The following TTC28 variants were observed in gnomAD, a reference collection of about 807,000 sequenced individuals.
TTC28 encodes tetratricopeptide repeat domain 28.
In TTC28, 61 loss-of-function variants were observed where a neutral mutation model predicts 198.0. That is an observed-to-expected ratio of 0.31 (90% CI 0.25 to 0.38). The LOEUF is 0.38. TTC28 is among the 10% of genes least tolerant of loss of function. The pLI is 1.00. For missense variants in TTC28, 2,678 were observed against 3,164.0 expected (o/e 0.85, Z 3.69); for synonymous variants, 1,171 against 1,297.8 (o/e 0.90, Z 2.10).
At chr22:28,678,317 C>T (rs763645614) in intron 1 of TTC28, among the ~76,000 whole-genome samples, 6 of 152,182 alleles carry the variant, frequency 3.9e-5, no homozygotes, top group Non-Finnish European at 7.4e-5. Context: ...TGAGCTCAAG[C>T]GATCCTCCCA....
intron 14 of TTC28, chr22:28,006,796 T>C (rs1203635703): frequency 6.6e-6 from 1 of 152,258 alleles, no homozygotes; most frequent in East Asian, 1.9e-4. Flanking sequence ...CTTCTGCATA[T>C]GCCCTGGTTG....
intron 2 of TTC28, among the ~76,000 whole-genome samples, chr22:28,408,805 A>G (rs1282364305): frequency 2.0e-5 from 3 of 152,242 alleles, no homozygotes; most frequent in African/African-American, 4.8e-5. Flanking sequence ...GAGCTCTTCG[A>G]ATGAGTCTTG....
chr22:28,061,261 C>T (rs1215877817), intron 12 of TTC28, among the ~76,000 whole-genome samples: 3 of 152,116 alleles, frequency 2.0e-5, no homozygotes, highest in Non-Finnish European at 4.4e-5. Context: ...GTTGCCATTG[C>T]TTTTGGTGTT....
At chr22:28,202,301 C>T (rs1926028878) in intron 5 of TTC28, among the ~76,000 whole-genome samples, 1 of 152,002 alleles carries the variant, frequency 6.6e-6, no homozygotes, top group Non-Finnish European at 1.5e-5. Flanking sequence ...CTTTGGGAGG[C>T]CAAGGCAGGA....
At chr22:28,286,257 T>C (rs1249954807) in intron 5 of TTC28, among the ~76,000 whole-genome samples, 2 of 152,062 alleles carry the variant, frequency 1.3e-5, no homozygotes, top group African/African-American at 2.4e-5. Context: ...ACCCCACTAA[T>C]AGAAAAATAA....
intron 5 of TTC28, among the ~76,000 whole-genome samples, chr22:28,247,218 G>T (rs879376032): frequency 6.6e-6 from 1 of 152,178 alleles, no homozygotes; most frequent in Non-Finnish European, 1.5e-5. Flanking sequence ...ATTCAAGAAG[G>T]AAAACAGATT....
At chr22:28,527,771 G>C (rs926230521) in intron 2 of TTC28, among the ~76,000 whole-genome samples, 4 of 152,238 alleles carry the variant, frequency 2.6e-5, no homozygotes, top group Admixed American at 2.6e-4. Context: ...GAGTAGCTGG[G>C]ACTACAGGCA....
chr22:28,521,157 G>A (rs1252900322), intron 2 of TTC28, among the ~76,000 whole-genome samples: 1 of 152,018 alleles, frequency 6.6e-6, no homozygotes, highest in East Asian at 1.9e-4. Flanking sequence ...CCAGGGATTT[G>A]GGAGGCCAAG....
chr22:28,207,587 C>T (rs1926535735), intron 5 of TTC28, among the ~76,000 whole-genome samples: 1 of 152,064 alleles, frequency 6.6e-6, no homozygotes. Flanking sequence ...TAATGGAGTA[C>T]CCAGAACATA....
intron 2 of TTC28, among the ~76,000 whole-genome samples, chr22:28,584,682 C>T (rs543419358): frequency 5.3e-5 from 8 of 152,166 alleles, no homozygotes; most frequent in Non-Finnish European, 1.2e-4. Flanking sequence ...TACCGGACAA[C>T]ACAAATTTAG....
Position 27,998,711 on chromosome 22 carries a change from C to T in TTC28, c.4948G>A (p.Ala1650Thr), listed in dbSNP as rs758115230. 2.8e-5 allele frequency: 43 copies of T among 1,550,738 alleles called. No homozygotes were observed. The highest frequency in any genetic ancestry group is 1.7e-4 in the Middle Eastern group (1 of 6,014). The stretch of plus-strand genomic sequence containing the variant: ...CACAGAGACACGAGGACACACTGAG[C>T]GCCGGCAGCCAGGAAGGCCCTTGTC... ...ALTRAFLAAG[A>T]QCVLVSLWPV... Residue 1650 changes from alanine to threonine, a missense_variant, in exon 16 of 23, where the codon GCT (alanine) becomes ACT (threonine). By Grantham distance (58) the Ala-to-Thr change is moderately conservative. Around this residue, in one of 8 missense-constraint regions of TTC28, gnomAD observed 314 missense variants for 442.7 expected, o/e 0.71. Transcript: ENST00000397906.
intron 5 of TTC28, among the ~76,000 whole-genome samples, chr22:28,227,915 G>A (rs1197542590): frequency 1.3e-5 from 2 of 152,108 alleles, no homozygotes; most frequent in Non-Finnish European, 2.9e-5. Flanking sequence ...ATATTTGCAC[G>A]TCCATGTTTA....
intron 12 of TTC28, among the ~76,000 whole-genome samples, chr22:28,044,862 T>G (rs897016821): frequency 6.6e-6 from 1 of 152,162 alleles, no homozygotes; most frequent in African/African-American, 2.4e-5. Flanking sequence ...AAATACAGGT[T>G]TTCCCCTAGC....
At chr22:28,376,298 T>C (rs1251827155) in intron 2 of TTC28, among the ~76,000 whole-genome samples, 1 of 152,192 alleles carries the variant, frequency 6.6e-6, no homozygotes, top group Non-Finnish European at 1.5e-5. Flanking sequence ...GCCAACAATA[T>C]ATTGAGCAAC....
At chr22:28,147,037 G>C (rs988294085) in intron 6 of TTC28, among the ~76,000 whole-genome samples, 1 of 152,174 alleles carries the variant, frequency 6.6e-6, no homozygotes, top group Non-Finnish European at 1.5e-5. Flanking sequence ...TGAAAACTGA[G>C]AGCCTGTATT....
At chr22:28,278,790 C>T (rs552806013) in intron 5 of TTC28, among the ~76,000 whole-genome samples, 1 of 152,300 alleles carries the variant, frequency 6.6e-6, no homozygotes, top group South Asian at 2.1e-4. Context: ...ACCCAAACTG[C>T]ACTTGTAGGA....
At chr22:28,133,065 A>T (rs1943096749) in intron 6 of TTC28, among the ~76,000 whole-genome samples, 1 of 152,214 alleles carries the variant, frequency 6.6e-6, no homozygotes, top group Non-Finnish European at 1.5e-5. Flanking sequence ...TCTACAAAAA[A>T]TACCAAAATT....
chr22:27,992,223 C>T (rs1224492724), intron 19 of TTC28, among the ~76,000 whole-genome samples: 4 of 152,184 alleles, frequency 2.6e-5, no homozygotes, highest in Non-Finnish European at 5.9e-5. Context: ...AAACCTGCCC[C>T]TCTGTGCCCC....
chr22:28,398,785 G>C (rs934110345), intron 2 of TTC28, among the ~76,000 whole-genome samples: 2 of 152,038 alleles, frequency 1.3e-5, no homozygotes, highest in African/African-American at 2.4e-5. Flanking sequence ...CCCCAAATAA[G>C]GTATAGCTTC....
Sources: gnomAD v4.1 joint callset for allele counts (sites outside exome capture counted in the v4.1 genomes callset) on GRCh38, gnomAD v4.1.1 for gene constraint, gnomAD v4.1.1 regional missense constraint, MANE v1.5 for transcripts, NCBI Gene and HGNC (gene_info 2026-07-23, HGNC 2026-07-21) for gene names.